The following SLC8A1 variants were observed in gnomAD, a reference collection of about 807,000 sequenced individuals.
The protein encoded by SLC8A1 is solute carrier family 8 member A1, also known as sodium/calcium exchanger 1.
SLC8A1 carries 18 observed loss-of-function variants against 68.3 expected under a neutral mutation model. The ratio of observed to expected loss-of-function variants is 0.26; its 90% CI spans 0.18 to 0.39. The LOEUF (loss-of-function observed/expected upper bound fraction) is 0.39, where lower values mean the gene tolerates loss of function less well. SLC8A1 is among the 10% of genes least tolerant of loss of function. The probability of loss-of-function intolerance (pLI) is 1.00; values close to 1 mark genes in which losing one functional copy is unlikely to be tolerated. For missense variants in SLC8A1, 985 were observed against 1,156.7 expected (o/e 0.85, Z 2.15); for synonymous variants, 475 against 415.5 (o/e 1.14, Z -1.74).
intron 2 of SLC8A1, among the ~76,000 whole-genome samples, chr2:40,199,338 G>C (rs1011313317): frequency 2.6e-5 from 4 of 151,646 alleles, no homozygotes; most frequent in Non-Finnish European, 5.9e-5. Flanking sequence ...AGCTTGGCAG[G>C]CGTGGTCTTC....
At chr2:40,199,048 CAATT>C (rs1287948715) in intron 2 of SLC8A1, among the ~76,000 whole-genome samples, 1 of 151,258 alleles carries the variant, frequency 6.6e-6, no homozygotes, top group African/African-American at 2.4e-5. Context: ...TATAGTAATA[CAATT>C]AATAAATACA....
chr2:40,500,521 G>T (rs1285432248), intron 1 of SLC8A1, among the ~76,000 whole-genome samples: 2 of 152,010 alleles, frequency 1.3e-5, no homozygotes, highest in East Asian at 3.9e-4. Flanking sequence ...TTTTTAGCCT[G>T]TGGTCCATCA....
chr2:40,172,777 C>G (rs964822964), intron 4 of SLC8A1, among the ~76,000 whole-genome samples: 1 of 151,976 alleles, frequency 6.6e-6, no homozygotes, highest in Non-Finnish European at 1.5e-5. Context: ...CTTGTCTCTA[C>G]TAAAAATACA....
At chr2:40,444,026 T>C (rs1045981269) in intron 1 of SLC8A1, among the ~76,000 whole-genome samples, 2 of 152,150 alleles carry the variant, frequency 1.3e-5, no homozygotes, top group African/African-American at 4.8e-5. Context: ...ACTACTTTGA[T>C]TGCTAGGAAG....
intron 2 of SLC8A1, among the ~76,000 whole-genome samples, chr2:40,226,093 A>G (rs529872188): frequency 6.6e-5 from 10 of 152,130 alleles, no homozygotes; most frequent in Non-Finnish European, 1.0e-4. Context: ...TTTACATTAC[A>G]TGAGATGACA....
At chr2:40,468,374 A>G (rs549484737) in intron 1 of SLC8A1, among the ~76,000 whole-genome samples, 1 of 152,258 alleles carries the variant, frequency 6.6e-6, no homozygotes, top group South Asian at 2.1e-4. Flanking sequence ...CCATTTAAAC[A>G]GTTTCTTCTA....
intron 2 of SLC8A1, 92 bp from the exon 3 acceptor site, chr2:40,178,585 A>G: frequency 9.7e-7 from 1 of 1,025,828 alleles, no homozygotes; most frequent in Non-Finnish European, 1.5e-6. Context: ...AACCAGCTGC[A>G]CTTTCAGACA....
At chr2:40,222,038 C>T (rs940004044) in intron 2 of SLC8A1, among the ~76,000 whole-genome samples, 5 of 152,064 alleles carry the variant, frequency 3.3e-5, no homozygotes, top group African/African-American at 9.7e-5. Flanking sequence ...TCATATGGAA[C>T]TAAAAAAGAG....
chr2:40,471,779 G>A (rs1192723369), intron 1 of SLC8A1, among the ~76,000 whole-genome samples: 4 of 152,104 alleles, frequency 2.6e-5, no homozygotes, highest in Admixed American at 6.5e-5. Flanking sequence ...TAGTAAAAAC[G>A]TCAGCTACCT....
exon 8 of SLC8A1, chr2:40,106,358 C>G (rs915481722): frequency 1.3e-5 from 2 of 151,994 alleles, no homozygotes; most frequent in African/African-American, 4.8e-5. Context: ...GGAAAGAGCT[C>G]CTAGAAGAGT....
intron 2 of SLC8A1, among the ~76,000 whole-genome samples, chr2:40,316,205 A>G (rs1212685353): frequency 1.3e-5 from 2 of 152,064 alleles, no homozygotes; most frequent in Admixed American, 1.3e-4. Flanking sequence ...CCTGGATCCA[A>G]TCACACTGAT....
chr2:40,389,626 C>T (rs1487172139), intron 2 of SLC8A1, among the ~76,000 whole-genome samples: 1 of 151,820 alleles, frequency 6.6e-6, no homozygotes, highest in African/African-American at 2.4e-5. Flanking sequence ...ACTGAATGAG[C>T]CACGAAAATT....
At position 40,426,987 on chromosome 2, in the gene SLC8A1, G is replaced by A. The variant is rs547537037; in HGVS notation, c.1808+1486C>T. On this transcript the variant is annotated intron_variant, in intron 2 of 7. Transcript: ENST00000406785. ...TCTTGGATATGAAGGATATTAATTT[G>A]CTACTAGATCACTATCTTTCAGTAA... 1.7e-4 allele frequency among the ~76,000 whole-genome samples: 26 copies of A among 151,974 alleles called. No individual in the cohort carries two copies. The South Asian group carries it at 5.4e-3, about 32-fold the overall frequency.
intron 2 of SLC8A1, among the ~76,000 whole-genome samples, chr2:40,214,084 G>C (rs1243615898): frequency 6.6e-6 from 1 of 152,136 alleles, no homozygotes; most frequent in Admixed American, 6.5e-5. Context: ...TGAGGGCTAG[G>C]AATCTGGCAT....
At chr2:40,433,711 C>A (rs1048181220) in intron 1 of SLC8A1, among the ~76,000 whole-genome samples, 4 of 152,186 alleles carry the variant, frequency 2.6e-5, no homozygotes, top group African/African-American at 9.6e-5. Context: ...AACTCCTCAA[C>A]TAAGACCCAA....
chr2:40,446,259 G>A (rs1701424075), intron 1 of SLC8A1, among the ~76,000 whole-genome samples: 1 of 152,156 alleles, frequency 6.6e-6, no homozygotes, highest in Non-Finnish European at 1.5e-5. Flanking sequence ...CATGCTGGAA[G>A]TTCATCCTAC....
At chr2:40,430,302 C>T (rs1697987132) in exon 2 of SLC8A1, 4 of 1,578,526 alleles carry the variant, frequency 2.5e-6, no homozygotes, top group African/African-American at 2.7e-5. Context: ...CTGTCACAAC[C>T]TACTGGTAAA....
At chr2:40,384,512 CA>C (rs1559473401) in intron 2 of SLC8A1, among the ~76,000 whole-genome samples, 1 of 151,958 alleles carries the variant, frequency 6.6e-6, no homozygotes, top group African/African-American at 2.4e-5. Context: ...CATCATCATT[CA>C]AAAAGAACAT....
chr2:40,277,794 GTATATA>G (rs56145701), intron 2 of SLC8A1, among the ~76,000 whole-genome samples: 2,224 of 107,970 alleles, frequency 0.021, 42 homozygotes, highest in South Asian at 0.041. Flanking sequence ...ATATATGTGT[GTATATA>G]TATATATATA....
Sources: allele counts gnomAD v4.1 joint callset (sites outside exome capture counted in the v4.1 genomes callset), GRCh38; gene constraint gnomAD v4.1.1; transcripts MANE v1.5; gene names NCBI Gene and HGNC (gene_info 2026-07-23, HGNC 2026-07-21).